Variants in PRELID2 observed in about 807,000 individuals in gnomAD.
PRELID2 encodes the protein PRELI domain containing 2, also known as PRELI domain-containing protein 2.
A neutral mutation model predicts 28.4 loss-of-function variants in PRELID2; 25 were observed. That is an observed-to-expected ratio of 0.88 (90% CI 0.64 to 1.23). PRELID2 has a LOEUF of 1.23. Among genes scored for constraint, PRELID2 ranks in the 50% most tolerant of loss-of-function variants. PRELID2 has a pLI of 0.00. For synonymous variants in PRELID2, 76 were observed against 71.6 expected (o/e 1.06, Z -0.31); for missense variants, 201 against 214.4 (o/e 0.94, Z 0.39).
intron 1 of PRELID2, among the ~76,000 whole-genome samples, chr5:145,832,255 A>G (rs1985684): frequency 0.71 from 108,107 of 151,980 alleles, 39,708 homozygotes; most frequent in Non-Finnish European, 0.82. Context: ...GCATGATCTC[A>G]GCTCACTGCA....
chr5:145,831,242 TAC>T (rs1755564209), intron 1 of PRELID2, among the ~76,000 whole-genome samples: 1 of 152,192 alleles, frequency 6.6e-6, no homozygotes, highest in Non-Finnish European at 1.5e-5. Context: ...AACTAGGGCT[TAC>T]ACAGTTGTGA....
intron 1 of PRELID2, among the ~76,000 whole-genome samples, chr5:145,595,592 T>G (rs547106502): frequency 1.3e-5 from 2 of 152,286 alleles, no homozygotes; most frequent in South Asian, 4.2e-4. Flanking sequence ...CCCTGGTCGT[T>G]AATGAATTCC....
At chr5:145,311,169 G>A in the PRELID2 span, among the ~76,000 whole-genome samples, 6 of 152,230 alleles carry the variant, frequency 3.9e-5, no homozygotes, top group South Asian at 2.1e-4. Context: ...TCTGCTCCCC[G>A]TGGTCACTCA....
intron 1 of PRELID2, among the ~76,000 whole-genome samples, chr5:145,717,487 C>T (rs1000425728): frequency 2.6e-5 from 4 of 151,722 alleles, no homozygotes; most frequent in African/African-American, 7.3e-5. Flanking sequence ...ATCATATATA[C>T]GCATGTATTT....
At chr5:145,603,960 A>C (rs1340085951) in intron 1 of PRELID2, among the ~76,000 whole-genome samples, 1 of 152,140 alleles carries the variant, frequency 6.6e-6, no homozygotes, top group African/African-American at 2.4e-5. Context: ...AAATTAGAGA[A>C]AAGATGATAT....
chr5:145,518,157 A>G (rs1053601967), intron 1 of PRELID2, among the ~76,000 whole-genome samples: 10 of 142,660 alleles, frequency 7.0e-5, no homozygotes, highest in African/African-American at 2.6e-4. Flanking sequence ...AATAATAATA[A>G]TAATAATAAT....
intron 1 of PRELID2, among the ~76,000 whole-genome samples, chr5:145,489,294 T>G (rs1184095969): frequency 6.6e-6 from 1 of 152,212 alleles, no homozygotes; most frequent in Non-Finnish European, 1.5e-5. Context: ...AGCTATTTGA[T>G]TCAGCTTTCA....
intron 1 of PRELID2, among the ~76,000 whole-genome samples, chr5:145,632,979 G>GT (rs1190180863): frequency 1.3e-5 from 2 of 152,148 alleles, no homozygotes; most frequent in Non-Finnish European, 2.9e-5. Context: ...ATGTGGCACC[G>GT]TGTGACAAGC....
the PRELID2 span, among the ~76,000 whole-genome samples, chr5:145,399,642 A>C: frequency 9.7e-3 from 1,478 of 152,086 alleles, 31 homozygotes; most frequent in African/African-American, 0.034. Flanking sequence ...TTTCCCTCTC[A>C]TCCCCTCATC....
chr5:145,297,912 G>C, the PRELID2 span, among the ~76,000 whole-genome samples: 1 of 152,030 alleles, frequency 6.6e-6, no homozygotes, highest in Non-Finnish European at 1.5e-5. Flanking sequence ...CAACTTACAA[G>C]GGATGTGAAG....
At chr5:145,440,647 A>G in the PRELID2 span, among the ~76,000 whole-genome samples, 1 of 152,226 alleles carries the variant, frequency 6.6e-6, no homozygotes, top group Non-Finnish European at 1.5e-5. Context: ...TAATTAGAGT[A>G]AATTAATTCC....
At chr5:145,304,907 G>T in the PRELID2 span, among the ~76,000 whole-genome samples, 1 of 152,266 alleles carries the variant, frequency 6.6e-6, no homozygotes, top group East Asian at 1.9e-4. Flanking sequence ...GTACCTGATA[G>T]AATAGGAACA....
chr5:145,721,324 A>G (rs571806411), intron 1 of PRELID2, among the ~76,000 whole-genome samples: 2 of 152,272 alleles, frequency 1.3e-5, no homozygotes, highest in African/African-American at 4.8e-5. Context: ...CCTACTGAAC[A>G]TTTTGAGAAC....
intron 1 of PRELID2, among the ~76,000 whole-genome samples, chr5:145,542,919 C>G (rs1483148135): frequency 6.6e-6 from 1 of 152,050 alleles, no homozygotes; most frequent in African/African-American, 2.4e-5. Flanking sequence ...ACAAAGATCT[C>G]TGGCCTGCAG....
chr5:145,685,125 G>T (rs1238401732), intron 1 of PRELID2, among the ~76,000 whole-genome samples: 2 of 152,112 alleles, frequency 1.3e-5, no homozygotes, highest in African/African-American at 4.8e-5. Flanking sequence ...GAATCAGTTA[G>T]TCTCTCTGTT....
At chr5:145,258,913 G>T in the PRELID2 span, among the ~76,000 whole-genome samples, 1 of 152,108 alleles carries the variant, frequency 6.6e-6, no homozygotes, top group Non-Finnish European at 1.5e-5. Context: ...AGGACTGAAT[G>T]GTTTCTTGTA....
chr5:145,574,820 T>G (rs1221494624), intron 1 of PRELID2, among the ~76,000 whole-genome samples: 1 of 152,210 alleles, frequency 6.6e-6, no homozygotes, highest in East Asian at 1.9e-4. Context: ...TCTAGATCAC[T>G]TATAACACAT....
the PRELID2 span, among the ~76,000 whole-genome samples, chr5:145,371,343 A>G: frequency 6.6e-6 from 1 of 152,096 alleles, no homozygotes; most frequent in Non-Finnish European, 1.5e-5. Flanking sequence ...AATTTTATCA[A>G]AGGTCTTTTC....
chr5:145,484,668 A>G (rs1251301894), intron 1 of PRELID2, among the ~76,000 whole-genome samples: 3 of 152,212 alleles, frequency 2.0e-5, no homozygotes, highest in Non-Finnish European at 2.9e-5. Flanking sequence ...CCTGTCACAT[A>G]ATGGTACTCA....
Sources: allele counts gnomAD v4.1 joint callset (sites outside exome capture counted in the v4.1 genomes callset), GRCh38; gene constraint gnomAD v4.1.1; transcripts MANE v1.5; gene names NCBI Gene and HGNC (gene_info 2026-07-23, HGNC 2026-07-21).